Variants in IFT81 observed in about 807,000 individuals in gnomAD.
IFT81 encodes intraflagellar transport 81, also known as intraflagellar transport protein 81 homolog.
IFT81 carries 72 observed loss-of-function variants against 102.6 expected under a neutral mutation model. That is an observed-to-expected ratio of 0.70 (90% CI 0.58 to 0.85). IFT81 has a LOEUF of 0.85. Among genes scored for constraint, IFT81 ranks in the 40% least tolerant of loss-of-function variants. The probability of loss-of-function intolerance (pLI) is 0.00; values close to 1 mark genes in which losing one functional copy is unlikely to be tolerated. For synonymous variants in IFT81, 237 were observed against 242.7 expected (o/e 0.98, Z 0.22); for missense variants, 723 against 787.3 (o/e 0.92, Z 0.98).
intron 11 of IFT81, among the ~76,000 whole-genome samples, chr12:110,173,896 C>T (rs1211022659): frequency 1.3e-5 from 2 of 151,722 alleles, no homozygotes; most frequent in Non-Finnish European, 2.9e-5. Flanking sequence ...TGCTGACCTT[C>T]CCTCCACTAT....
chr12:110,206,037 A>G (rs1868578305), intron 17 of IFT81, among the ~76,000 whole-genome samples: 3 of 152,234 alleles, frequency 2.0e-5, no homozygotes, highest in Admixed American at 1.3e-4. Context: ...TCTTGTAACC[A>G]TTAAGCAATA....
Position 110,135,361 on chromosome 12 carries a change from A to G in IFT81, c.620A>G (p.Lys207Arg). 6.2e-7 allele frequency: 1 copy of G among 1,613,376 alleles called. No homozygotes were observed. The highest frequency in any genetic ancestry group is 8.5e-7 in the Non-Finnish European group (1 of 1,179,582). The change falls in exon 7 of 19, where the codon AAA (lysine) becomes AGA (arginine). Residue 207 changes from lysine (K) to arginine (R), a missense_variant. Transcript: ENST00000242591. ...GCTCAGAATCATCAATGGATGCTTA[A>G]AATAGCAAGGCAACTTCGAGTTGAA... is the stretch of plus-strand genomic sequence containing the variant. ...ETAQNHQWML[K>R]IARQLRVEKE...
At chr12:110,146,845 T>TA (rs200546395) in intron 9 of IFT81, 108 bp from the exon 10 acceptor site, 1,637 of 1,195,798 alleles carry the variant, frequency 1.4e-3, no homozygotes, top group East Asian at 2.5e-3. Context: ...ACCTTGTCTT[T>TA]AAAAAAAAAG....
chr12:110,174,089 AAC>A (rs1366952498), intron 11 of IFT81, among the ~76,000 whole-genome samples: 20 of 151,918 alleles, frequency 1.3e-4, no homozygotes, highest in African/African-American at 4.6e-4. Context: ...CATCCTGGCT[AAC>A]ACAGTGAAAC....
chr12:110,172,657 G>A (rs544127992), intron 11 of IFT81, among the ~76,000 whole-genome samples: 37 of 152,258 alleles, frequency 2.4e-4, no homozygotes, highest in Non-Finnish European at 4.4e-4. Flanking sequence ...CGGAGGTGCC[G>A]GGATTGCAGA....
intron 17 of IFT81, among the ~76,000 whole-genome samples, chr12:110,206,969 A>G (rs548153327): frequency 1.3e-5 from 2 of 152,248 alleles, no homozygotes; most frequent in Admixed American, 6.5e-5. Context: ...AGTTATCGAT[A>G]TAAATAGCAA....
intron 11 of IFT81, among the ~76,000 whole-genome samples, chr12:110,175,234 A>AT (rs926920741): frequency 1.3e-5 from 2 of 152,098 alleles, no homozygotes; most frequent in African/African-American, 4.8e-5. Flanking sequence ...TTTAAAAATT[A>AT]TTTTTTTCCT....
At chr12:110,155,591 T>C (rs914131097) in intron 10 of IFT81, among the ~76,000 whole-genome samples, 35 of 152,148 alleles carry the variant, frequency 2.3e-4, no homozygotes, top group African/African-American at 8.2e-4. Context: ...GGATTACAGG[T>C]GTGAGCCACC....
At chr12:110,179,493 G>A (rs949470683) in intron 11 of IFT81, among the ~76,000 whole-genome samples, 11 of 151,520 alleles carry the variant, frequency 7.3e-5, no homozygotes, top group African/African-American at 2.4e-4. Flanking sequence ...AGGCCAAGGC[G>A]GGTGAATCAC....
chr12:110,164,329 A>C (rs1896318346), intron 11 of IFT81, among the ~76,000 whole-genome samples: 1 of 152,212 alleles, frequency 6.6e-6, no homozygotes. Flanking sequence ...CTTTTCATAA[A>C]ATTAGCCCAG....
At position 110,218,201 on chromosome 12, in the gene IFT81, G is replaced by A. The variant is rs753359802; in HGVS notation, c.2006G>A (p.Gly669Asp). The A allele has an allele frequency of 3.2e-6, 5 of 1,568,314 alleles. No individual in the cohort carries two copies. Among genetic ancestry groups the A allele is most frequent in the Non-Finnish European group, 4.3e-6 (5 of 1,164,042 alleles). ...TCCATTGGTCAGGTAATTCAGGAGG[G>A]TGGGGAGGACCGGCTAATACTGTGA... ...QTSIGQVIQE[G>D]GEDRLIL Residue 669 changes from glycine to aspartate, a missense_variant, in exon 19 of 19, where the codon GGT (glycine) becomes GAT (aspartate). Physicochemically the swap from Gly to Asp is moderately conservative, Grantham distance 94 (BLOSUM62 -1). Coordinates refer to ENST00000242591, the MANE Select transcript of IFT81 (RefSeq NM_014055.4).
chr12:110,144,162 A>C (rs1416725516), intron 9 of IFT81, among the ~76,000 whole-genome samples: 1 of 148,404 alleles, frequency 6.7e-6, no homozygotes, highest in Non-Finnish European at 1.5e-5. Flanking sequence ...ACAGGCACGA[A>C]CCACCATGCC....
chr12:110,196,567 C>G (rs900876412), intron 14 of IFT81, among the ~76,000 whole-genome samples: 1 of 152,012 alleles, frequency 6.6e-6, no homozygotes, highest in Non-Finnish European at 1.5e-5. Flanking sequence ...AAACAAAAAC[C>G]AGCCCAGGGT....
At chr12:110,158,204 G>A (rs530309268) in intron 10 of IFT81, among the ~76,000 whole-genome samples, 17 of 152,084 alleles carry the variant, frequency 1.1e-4, no homozygotes, top group South Asian at 1.0e-3. Flanking sequence ...CTGAGTAGCT[G>A]GGATTATAGG....
chr12:110,136,683 A>G, intron 7 of IFT81, 93 bp from the exon 8 acceptor site: 3 of 607,506 alleles, frequency 4.9e-6, no homozygotes, highest in South Asian at 3.5e-5. Context: ...ATATCATAAG[A>G]ATTATATGGA....
intron 18 of IFT81, among the ~76,000 whole-genome samples, chr12:110,214,504 T>C (rs893008277): frequency 6.6e-6 from 1 of 152,152 alleles, no homozygotes; most frequent in Non-Finnish European, 1.5e-5. Context: ...TCCATAGACC[T>C]CCTCAGGCCA....
chr12:110,132,237 G>A (rs1894203539), intron 4 of IFT81, among the ~76,000 whole-genome samples: 1 of 152,158 alleles, frequency 6.6e-6, no homozygotes, highest in Non-Finnish European at 1.5e-5. Flanking sequence ...GGCCAAAGCG[G>A]ATGGATCATG....
intron 10 of IFT81, among the ~76,000 whole-genome samples, chr12:110,153,078 G>A (rs552062061): frequency 1.1e-4 from 16 of 152,112 alleles, no homozygotes; most frequent in African/African-American, 3.4e-4. Context: ...ATAAATCATC[G>A]CTAAATCCAG....
chr12:110,202,255 T>C (rs966019511), intron 14 of IFT81, among the ~76,000 whole-genome samples: 2 of 152,212 alleles, frequency 1.3e-5, no homozygotes, highest in Non-Finnish European at 2.9e-5. Flanking sequence ...ATGTGGTCCG[T>C]TGTGACTGAA....
Sources: gnomAD v4.1 joint callset for allele counts (sites outside exome capture counted in the v4.1 genomes callset) on GRCh38, gnomAD v4.1.1 for gene constraint, MANE v1.5 for transcripts, NCBI Gene and HGNC (gene_info 2026-07-23, HGNC 2026-07-21) for gene names.